The following MINAR2 variants were observed in gnomAD, a reference collection of about 807,000 sequenced individuals.
MINAR2 encodes major intrinsically disordered NOTCH2-binding receptor 1-like.
In MINAR2, 21 loss-of-function variants were observed where a neutral mutation model predicts 16.1. The observed-to-expected ratio is 1.31, with a 90% CI of 0.93 to 1.88. The LOEUF (loss-of-function observed/expected upper bound fraction) is 1.88. Among genes scored for constraint, MINAR2 ranks in the 40% most tolerant of loss-of-function variants. The pLI, the probability that MINAR2 is intolerant of heterozygous loss-of-function variation, is 0.00. For missense variants in MINAR2, 259 were observed against 229.8 expected, an observed-to-expected ratio of 1.13 and a Z score of -0.82; for synonymous variants, 86 against 83.0, an observed-to-expected ratio of 1.04 and a Z score of -0.20.
chr5:129,755,280 TA>T (rs1758041015), intron 1 of MINAR2, among the ~76,000 whole-genome samples: 1 of 152,134 alleles, frequency 6.6e-6, no homozygotes, highest in African/African-American at 2.4e-5. Context: ...TTTATGTGTA[TA>T]AGAGAAATTG....
At chr5:129,752,954 G>C (rs1025834303) in intron 1 of MINAR2, among the ~76,000 whole-genome samples, 2 of 152,064 alleles carry the variant, frequency 1.3e-5, no homozygotes, top group Non-Finnish European at 2.9e-5. Context: ...GGCTAAGGGC[G>C]AGAGGCTGCT....
chr5:129,753,076 C>G (rs757413923), intron 1 of MINAR2, among the ~76,000 whole-genome samples: 2 of 152,234 alleles, frequency 1.3e-5, no homozygotes, highest in African/African-American at 2.4e-5. Flanking sequence ...CAATGTCTTT[C>G]CTTTTTATCA....
chr5:129,764,457 A>G (rs181257670), intron 2 of MINAR2, among the ~76,000 whole-genome samples: 1 of 152,328 alleles, frequency 6.6e-6, no homozygotes, highest in East Asian at 1.9e-4. Context: ...ATCAAACCTC[A>G]AAGGTTCATC....
intron 1 of MINAR2, among the ~76,000 whole-genome samples, chr5:129,749,856 T>G (rs1757964943): frequency 6.6e-6 from 1 of 152,178 alleles, no homozygotes; most frequent in Non-Finnish European, 1.5e-5. Flanking sequence ...AAATGCAAAT[T>G]TTTAAAAGGC....
At chr5:129,748,439 A>T in intron 1 of MINAR2, 84 bp downstream of exon 1, 7 of 1,389,752 alleles carry the variant, frequency 5.0e-6, no homozygotes, top group Non-Finnish European at 6.8e-6. Context: ...TGCAACAAGA[A>T]GCCTATAGGA....
intron 1 of MINAR2, among the ~76,000 whole-genome samples, chr5:129,750,605 A>T (rs1757974261): frequency 6.6e-6 from 1 of 152,244 alleles, no homozygotes; most frequent in Non-Finnish European, 1.5e-5. Context: ...TGAAACATGA[A>T]GTAAAAGCAA....
intron 1 of MINAR2, among the ~76,000 whole-genome samples, chr5:129,759,595 T>C (rs1345212536): frequency 2.0e-5 from 3 of 152,110 alleles, no homozygotes; most frequent in Non-Finnish European, 4.4e-5. Context: ...AACTAATCTA[T>C]GCTGTTAGAA....
chr5:129,755,340 C>T (rs1439017360), intron 1 of MINAR2, among the ~76,000 whole-genome samples: 1 of 152,102 alleles, frequency 6.6e-6, no homozygotes, highest in Non-Finnish European at 1.5e-5. Context: ...TTTATACTAA[C>T]TTCAAAAGTG....
At chr5:129,761,443 A>C (rs560516717) in intron 2 of MINAR2, among the ~76,000 whole-genome samples, 3 of 152,148 alleles carry the variant, frequency 2.0e-5, no homozygotes, top group South Asian at 4.1e-4. Flanking sequence ...TTTTTTAAAG[A>C]GGACAGCACC....
intron 1 of MINAR2, among the ~76,000 whole-genome samples, chr5:129,750,325 T>C (rs1208189886): frequency 1.3e-5 from 2 of 152,188 alleles, no homozygotes; most frequent in Non-Finnish European, 2.9e-5. Flanking sequence ...AAGAAGACAC[T>C]GAATATGCAG....
chr5:129,751,920 A>G (rs558076112), intron 1 of MINAR2, among the ~76,000 whole-genome samples: 1 of 152,320 alleles, frequency 6.6e-6, no homozygotes, highest in Non-Finnish European at 1.5e-5. Context: ...AAAGGATATG[A>G]ACAGACACTT....
chr5:129,765,314 C>A lies in MINAR2; in HGVS notation c.*251C>A, dbSNP rs1200663570. ...CTTTGGGAAGCAGGAATTCTGAGGA[C>A]CATAATCACAGAATAGTCACTATAT... On this transcript the variant is annotated 3_prime_UTR_variant, in exon 3 of 3. Coordinates refer to ENST00000564719, the MANE Select transcript of MINAR2 (RefSeq NM_001257308.2). 5.8e-6 allele frequency: 2 copies of A among 345,972 alleles called. No homozygotes were observed. The highest frequency in any genetic ancestry group is 4.2e-5 in the African/African-American group (2 of 47,576). The allele number at this position is 345,972 out of a possible 1,614,324, so 21.4% of individuals were successfully genotyped here.
At chr5:129,752,849 A>G (rs998183714) in intron 1 of MINAR2, among the ~76,000 whole-genome samples, 2 of 151,810 alleles carry the variant, frequency 1.3e-5, no homozygotes, top group African/African-American at 4.8e-5. Context: ...GAATATTTTC[A>G]GACTAACTCC....
intron 1 of MINAR2, among the ~76,000 whole-genome samples, chr5:129,752,380 T>C (rs1757996250): frequency 6.6e-6 from 1 of 152,190 alleles, no homozygotes; most frequent in African/African-American, 2.4e-5. Context: ...CACCATGGAA[T>C]ACTATGCAGC....
chr5:129,755,779 C>T (rs181349292), intron 1 of MINAR2, among the ~76,000 whole-genome samples: 1 of 152,088 alleles, frequency 6.6e-6, no homozygotes, highest in Admixed American at 6.6e-5. Context: ...TGTTTATCTT[C>T]TCCATTGTAT....
Position 129,766,634 on chromosome 5 carries a change from T to TCAAA in MINAR2, c.*1571_*1572insCAAA, listed in dbSNP as rs1758218274. On this transcript the variant is annotated 3_prime_UTR_variant, in exon 3 of 3. Transcript: ENST00000564719. ...CCTGGGTGACAGAGTGAGACTTCCA[T>TCAAA]AAAAAAAAAAAAAAAAAAAAAACAA... The TCAAA allele has an allele frequency of 9.7e-6, 1 of 103,562 alleles. No individual in the cohort carries two copies. Among genetic ancestry groups the TCAAA allele is most frequent in the African/African-American group, 5.1e-5 (1 of 19,696 alleles). The allele number at this position is 103,562 out of a possible 1,614,324, so 6.4% of individuals were successfully genotyped here.
intron 1 of MINAR2, among the ~76,000 whole-genome samples, chr5:129,753,165 C>A (rs780050534): frequency 2.0e-4 from 30 of 151,948 alleles, no homozygotes; most frequent in Non-Finnish European, 3.4e-4. Context: ...TCTCTATTTT[C>A]AATCTTCCAT....
In MINAR2 at chr5:129,758,849, C is replaced by T. The variant is rs1190175878; in HGVS notation, c.166-1529C>T. ...AAACATTACTTTTGAAGCAGTCTAT[C>T]TTTGAGATAAATGCTAAGCCAAGAA... On this transcript the variant is annotated intron_variant, in intron 1 of 2. Transcript: ENST00000564719. Among the ~76,000 whole-genome samples, 7 of 151,976 alleles carry T rather than the reference C, an allele frequency of 4.6e-5. 1 individual carries two copies. The highest frequency in any genetic ancestry group is 4.6e-4 in the Admixed American group (7 of 15,242).
intron 1 of MINAR2, 38 bp from the exon 2 acceptor site, chr5:129,760,340 C>A: frequency 6.9e-7 from 1 of 1,454,462 alleles, no homozygotes; most frequent in Non-Finnish European, 9.3e-7. Flanking sequence ...TATCAGAAGG[C>A]CCGTTGCTAA....
Sources: allele counts gnomAD v4.1 joint callset (sites outside exome capture counted in the v4.1 genomes callset), GRCh38; gene constraint gnomAD v4.1.1; transcripts MANE v1.5; gene names NCBI Gene and HGNC (gene_info 2026-07-23, HGNC 2026-07-21).